Variants in EFNA3 observed in about 807,000 individuals in gnomAD.
EFNA3 encodes the protein ephrin A3.
EFNA3 carries 15 observed loss-of-function variants against 25.0 expected under a neutral mutation model. The observed-to-expected ratio is 0.60, with a 90% CI of 0.40 to 0.92. The LOEUF (loss-of-function observed/expected upper bound fraction) is 0.92, where lower values mean the gene tolerates loss of function less well. Among genes scored for constraint, EFNA3 ranks in the 40% least tolerant of loss-of-function variants. The pLI, the probability that EFNA3 is intolerant of heterozygous loss-of-function variation, is 0.00. For synonymous variants in EFNA3, 153 were observed against 145.6 expected, an observed-to-expected ratio of 1.05 and a Z score of -0.37; for missense variants, 298 against 323.8, an observed-to-expected ratio of 0.92 and a Z score of 0.61.
chr1:155,081,257 T>C lies in EFNA3; in HGVS notation c.128+2188T>C, dbSNP rs1254885136. On this transcript the variant is annotated intron_variant, in intron 1 of 4. Transcript: ENST00000368408. The surrounding 1 kb of genome is among the most constrained non-coding windows in gnomAD (Gnocchi z 5.2). ...GTCCCGTGGAACAGGAGAGACCTGT[T>C]CCCAATCTGGCCCAGAAACTAGGGA... 6.6e-6 allele frequency among the ~76,000 whole-genome samples: 1 copy of C among 152,224 alleles called. No individual in the cohort carries two copies. Among genetic ancestry groups the C allele is most frequent in the Non-Finnish European group, 1.5e-5 (1 of 68,042 alleles).
In EFNA3 at chr1:155,085,140, G is replaced by T; in HGVS notation, c.178G>T (p.Asp60Tyr). 1 of 1,613,652 alleles carries T rather than the reference G, an allele frequency of 6.2e-7. No individual in the cohort carries two copies. Among genetic ancestry groups the T allele is most frequent in the Non-Finnish European group, 8.5e-7 (1 of 1,180,028 alleles). Residue 60 changes from aspartate (D) to tyrosine (Y), a missense_variant, in exon 2 of 5, where the codon GAT becomes TAT. Asp to Tyr is a radical substitution (Grantham distance 160, BLOSUM62 -3). Transcript: ENST00000368408. This position sits in a 1 kb window ranked among gnomAD's most constrained non-coding sequence, Gnocchi z 4.4. ...GCAGGTGAACGTGAACGACTATCTG[G>T]ATATTTACTGCCCGCACTACAACAG... ...TVQVNVNDYL[D>Y]IYCPHYNSSG...
intron 1 of EFNA3, among the ~76,000 whole-genome samples, chr1:155,083,079 C>G (rs1459839322): frequency 6.6e-6 from 1 of 152,192 alleles, no homozygotes; most frequent in Non-Finnish European, 1.5e-5. Context: ...CACCTGTGGT[C>G]GCCCTGCAAC....
chr1:155,082,657 G>C (rs1663364706), intron 1 of EFNA3, among the ~76,000 whole-genome samples: 1 of 152,174 alleles, frequency 6.6e-6, no homozygotes, highest in Non-Finnish European at 1.5e-5. Context: ...AGAGGCTATA[G>C]GGGATGAAGT....
intron 1 of EFNA3, among the ~76,000 whole-genome samples, chr1:155,082,611 G>C (rs1663363662): frequency 6.6e-6 from 1 of 152,180 alleles, no homozygotes; most frequent in South Asian, 2.1e-4. Flanking sequence ...CCTCCAAATG[G>C]GGTGTGTCGG....
Position 155,086,623 on chromosome 1 carries a change from C to T in EFNA3, c.*80C>T. 2 of 1,549,622 alleles carry T rather than the reference C, an allele frequency of 1.3e-6. No homozygotes were observed. The highest frequency in any genetic ancestry group is 1.7e-6 in the Non-Finnish European group (2 of 1,144,180). ...GAGCCTTTGGCCTCTCCAAGGGAAGCCTAGTGGGCCTAGACCCCTCCTCCC... is the reference window on the plus strand; with the variant it reads ...GAGCCTTTGGCCTCTCCAAGGGAAGTCTAGTGGGCCTAGACCCCTCCTCCC... On this transcript the variant is annotated 3_prime_UTR_variant, in exon 5 of 5. Coordinates refer to ENST00000368408, the MANE Select transcript of EFNA3 (RefSeq NM_004952.5).
intron 1 of EFNA3, among the ~76,000 whole-genome samples, chr1:155,083,387 G>A (rs79382812): frequency 0.085 from 12,927 of 152,292 alleles, 786 homozygotes; most frequent in Non-Finnish European, 0.13. Context: ...GCCTAGGATG[G>A]CAGTTTGGAG....
In EFNA3 at chr1:155,085,963, G is replaced by T. The variant is rs556957847; in HGVS notation, c.508+21G>T. 2.5e-6 allele frequency: 4 copies of T among 1,598,888 alleles called. No individual in the cohort carries two copies. The South Asian group carries it at 4.5e-5, about 18-fold the overall frequency. On this transcript the variant is annotated intron_variant, in intron 3 of 4. Transcript: ENST00000368408. This position sits in a 1 kb window ranked among gnomAD's most constrained non-coding sequence, Gnocchi z 4.4. ...CTCCAGTGAGTAGAATAGGCTCCGA[G>T]CCGCGCCCCCATCCTCAGCTCCCTG...
In EFNA3 at chr1:155,085,612, C is replaced by A; in HGVS notation, c.442+208C>A. 1 of 705,136 alleles carries A rather than the reference C, an allele frequency of 1.4e-6. No homozygotes were observed. Among genetic ancestry groups the A allele is most frequent in the Non-Finnish European group, 2.3e-6 (1 of 433,862 alleles). 43.7% of individuals were successfully genotyped at this position (705,136 alleles called of 1,614,324 possible). A position where few individuals can be genotyped will look rare whatever the true frequency, so the allele number is the denominator to read the frequency against. ...CAAGAGAGGAGTTTGGTGACAGTCCCAAGTTTGGGCTGCGGAGAATCGCTG... is the reference window on the plus strand; with the variant it reads ...CAAGAGAGGAGTTTGGTGACAGTCCAAAGTTTGGGCTGCGGAGAATCGCTG... On this transcript the variant is annotated intron_variant, in intron 2 of 4. Transcript: ENST00000368408. The surrounding 1 kb of genome is among the most constrained non-coding windows in gnomAD (Gnocchi z 4.4).
chr1:155,085,348 A>G lies in EFNA3; in HGVS notation c.386A>G (p.Tyr129Cys). 1 of 1,612,714 alleles carries G rather than the reference A, an allele frequency of 6.2e-7. No homozygotes were observed. Among genetic ancestry groups the G allele is most frequent in the East Asian group, 2.2e-5 (1 of 44,846 alleles). Residue 129 changes from tyrosine to cysteine, a missense_variant, in exon 2 of 5, where the codon TAC becomes TGC. Tyr to Cys is a radical substitution (Grantham distance 194, BLOSUM62 -2). Transcript: ENST00000368408. The surrounding 1 kb of genome is among the most constrained non-coding windows in gnomAD (Gnocchi z 4.4). ...AAGTTCTCGGAGAAGTTCCAGCGCT[A>G]CAGCGCCTTCTCTCTGGGCTACGAG... is the stretch of plus-strand genomic sequence containing the variant. The part of the protein sequence containing the change: ...PIKFSEKFQR[Y>C]SAFSLGYEFH...
chr1:155,086,422 A>G lies in EFNA3; in HGVS notation c.596A>G (p.Glu199Gly). The change falls in exon 5 of 5, where the codon GAG becomes GGG. Residue 199 changes from glutamate (E) to glycine (G), a missense_variant. Coordinates refer to ENST00000368408, the MANE Select transcript of EFNA3 (RefSeq NM_004952.5). ...GTTCCTCTGTCCACAGAAGACTTTG[A>G]GGGAGAGAACCCTCAGGTGCCCAAG... ...NVKINVLEDF[E>G]GENPQVPKLE... The G allele has an allele frequency of 6.2e-7, 1 of 1,613,982 alleles. No homozygotes were observed. The highest frequency in any genetic ancestry group is 8.5e-7 in the Non-Finnish European group (1 of 1,179,928).
In EFNA3 at chr1:155,085,542, G is replaced by T; in HGVS notation, c.442+138G>T. 9.2e-7 allele frequency: 1 copy of T among 1,086,384 alleles called. No individual in the cohort carries two copies. Among genetic ancestry groups the T allele is most frequent in the South Asian group, 1.7e-5 (1 of 59,862 alleles). 67.3% of individuals were successfully genotyped at this position (1,086,384 alleles called of 1,614,324 possible). A position where few individuals can be genotyped will look rare whatever the true frequency, so the allele number is the denominator to read the frequency against. The stretch of plus-strand genomic sequence containing the variant: ...CGGCTGAGACCAGGGAGGAGGCGTG[G>T]GCACGGGACGCCTGAGGGGTTCAGC... On this transcript the variant is annotated intron_variant, in intron 2 of 4. Transcript: ENST00000368408. This position sits in a 1 kb window ranked among gnomAD's most constrained non-coding sequence, Gnocchi z 4.4.
In EFNA3 at chr1:155,081,953, C is replaced by T. The variant is rs1185293365; in HGVS notation, c.128+2884C>T. Among the ~76,000 whole-genome samples, 1 of 152,244 alleles carries T rather than the reference C, an allele frequency of 6.6e-6. No homozygotes were observed. The highest frequency in any genetic ancestry group is 1.5e-5 in the Non-Finnish European group (1 of 68,032). ...TTCGCCGCCGCCGCCGCCGCTGTCGCAGGGAGGAGGGGCGGAGGTGTCGGG... is the reference window on the plus strand; with the variant it reads ...TTCGCCGCCGCCGCCGCCGCTGTCGTAGGGAGGAGGGGCGGAGGTGTCGGG... On this transcript the variant is annotated intron_variant, in intron 1 of 4. Transcript: ENST00000368408. The surrounding 1 kb of genome is among the most constrained non-coding windows in gnomAD (Gnocchi z 5.2).
In EFNA3 at chr1:155,085,043, C is replaced by G; in HGVS notation, c.129-48C>G. The G allele has an allele frequency of 6.3e-7, 1 of 1,594,770 alleles. No individual in the cohort carries two copies. Among genetic ancestry groups the G allele is most frequent in the South Asian group, 1.1e-5 (1 of 89,150 alleles). On this transcript the variant is annotated intron_variant, in intron 1 of 4. Coordinates refer to ENST00000368408, the MANE Select transcript of EFNA3 (RefSeq NM_004952.5). The surrounding 1 kb of genome is among the most constrained non-coding windows in gnomAD (Gnocchi z 4.4). ...TGCGGAGCGGTCAGATGGAAAGCGG[C>G]TTTGCTCTGGGGTTTCTTCTCTCTG...
chr1:155,085,524 G>T lies in EFNA3; in HGVS notation c.442+120G>T. 2 of 1,264,582 alleles carry T rather than the reference G, an allele frequency of 1.6e-6. No homozygotes were observed. Among genetic ancestry groups the T allele is most frequent in the Non-Finnish European group, 2.1e-6 (2 of 938,182 alleles). 78.3% of individuals were successfully genotyped at this position (1,264,582 alleles called of 1,614,324 possible). A position where few individuals can be genotyped will look rare whatever the true frequency, so the allele number is the denominator to read the frequency against. On this transcript the variant is annotated intron_variant, in intron 2 of 4. Transcript: ENST00000368408. This position sits in a 1 kb window ranked among gnomAD's most constrained non-coding sequence, Gnocchi z 4.4. ...GGCGGGCGCCAGGTCTCGCGGCTGA[G>T]ACCAGGGAGGAGGCGTGGGCACGGG...
chr1:155,086,782 T>C lies in EFNA3; in HGVS notation c.*239T>C. On this transcript the variant is annotated 3_prime_UTR_variant, in exon 5 of 5. Transcript: ENST00000368408. ...GGCGGCCTTGTGGCTCTGGTAATGT[T>C]TGGTACCAAACTTGGGGGCCAAAAA... is the stretch of plus-strand genomic sequence containing the variant. 1 of 508,920 alleles carries C rather than the reference T, an allele frequency of 2.0e-6. No individual in the cohort carries two copies. The highest frequency in any genetic ancestry group is 3.5e-6 in the Non-Finnish European group (1 of 289,018). 31.5% of individuals were successfully genotyped at this position (508,920 alleles called of 1,614,324 possible).
In EFNA3 at chr1:155,081,314, G is replaced by C. The variant is rs916684167; in HGVS notation, c.128+2245G>C. On this transcript the variant is annotated intron_variant, in intron 1 of 4. Coordinates refer to ENST00000368408, the MANE Select transcript of EFNA3 (RefSeq NM_004952.5). This position sits in a 1 kb window ranked among gnomAD's most constrained non-coding sequence, Gnocchi z 5.2. ...GACTGTATTGGAGCGATGCATTAGAGTATGAGGTCGAGGAGTCCCCTAAGC... is the reference window on the plus strand; with the variant it reads ...GACTGTATTGGAGCGATGCATTAGACTATGAGGTCGAGGAGTCCCCTAAGC... Among the ~76,000 whole-genome samples, 9 of 152,356 alleles carry C rather than the reference G, an allele frequency of 5.9e-5. No homozygotes were observed. Among genetic ancestry groups the C allele is most frequent in the Non-Finnish European group, 1.3e-4 (9 of 68,034 alleles).
In EFNA3 at chr1:155,078,887, A is replaced by G. The variant is rs1366177231; in HGVS notation, c.-55A>G. 5.2e-6 allele frequency: 7 copies of G among 1,335,116 alleles called. No individual in the cohort carries two copies. In the African/African-American group the frequency reaches 1.1e-4, roughly 21 times the overall value. 82.7% of individuals were successfully genotyped at this position (1,335,116 alleles called of 1,614,324 possible). A position where few individuals can be genotyped will look rare whatever the true frequency, so the allele number is the denominator to read the frequency against. ...GCGGCAGCAGGGAGCTGGGAAGCGG[A>G]GAAGCCGGGAGCGCGGGGCTCAGTC... is the stretch of plus-strand genomic sequence containing the variant. On this transcript the variant is annotated 5_prime_UTR_variant, in exon 1 of 5. Coordinates refer to ENST00000368408, the MANE Select transcript of EFNA3 (RefSeq NM_004952.5).
Position 155,078,909 on chromosome 1 carries a change from A to G in EFNA3, c.-33A>G, listed in dbSNP as rs1663283371. Reference sequence around the variant, plus strand: ...CGGAGAAGCCGGGAGCGCGGGGCTCAGTCGGGGGGCGGCGGCGGCGGCGGC... The same window carrying G: ...CGGAGAAGCCGGGAGCGCGGGGCTCGGTCGGGGGGCGGCGGCGGCGGCGGC... On this transcript the variant is annotated 5_prime_UTR_variant, in exon 1 of 5. Coordinates refer to ENST00000368408, the MANE Select transcript of EFNA3 (RefSeq NM_004952.5). 7.4e-7 allele frequency: 1 copy of G among 1,360,154 alleles called. No individual in the cohort carries two copies. Among genetic ancestry groups the G allele is most frequent in the East Asian group, 3.1e-5 (1 of 31,848 alleles). The allele number at this position is 1,360,154 out of a possible 1,614,324, so 84.3% of individuals were successfully genotyped here. A position where few individuals can be genotyped will look rare whatever the true frequency, so the allele number is the denominator to read the frequency against.
intron 1 of EFNA3, among the ~76,000 whole-genome samples, chr1:155,083,663 T>C (rs1258127210): frequency 1.3e-5 from 2 of 152,110 alleles, no homozygotes; most frequent in Non-Finnish European, 2.9e-5. Flanking sequence ...GGAAGTGGGG[T>C]CAGGGGGGAG....
Sources: allele counts gnomAD v4.1 joint callset (sites outside exome capture counted in the v4.1 genomes callset), GRCh38; gene constraint gnomAD v4.1.1; non-coding constraint Gnocchi (gnomAD v3.1); transcripts MANE v1.5; gene names NCBI Gene and HGNC (gene_info 2026-07-23, HGNC 2026-07-21).